The following CDH13 variants were observed in gnomAD, a reference collection of about 807,000 sequenced individuals.
The protein encoded by CDH13 is cadherin-13.
In CDH13, 24 loss-of-function variants were observed where a neutral mutation model predicts 63.8. That is an observed-to-expected ratio of 0.38 (90% CI 0.27 to 0.53). The LOEUF (loss-of-function observed/expected upper bound fraction) is 0.53, where lower values mean the gene tolerates loss of function less well. Ranked by LOEUF, CDH13 falls within the 20% of genes least tolerant of loss-of-function variation. CDH13 has a pLI of 0.85. For synonymous variants in CDH13, 503 were observed against 355.3 expected (o/e 1.42, Z -4.67); for missense variants, 1,049 against 903.1 (o/e 1.16, Z -2.07).
intron 2 of CDH13, among the ~76,000 whole-genome samples, chr16:83,013,526 A>G (rs1597407110): frequency 6.6e-6 from 1 of 152,292 alleles, no homozygotes; most frequent in Admixed American, 6.5e-5. Context: ...ACACACCTCA[A>G]ACCCCAATCC....
At chr16:83,112,694 C>G (rs1380142713) in intron 3 of CDH13, among the ~76,000 whole-genome samples, 2 of 152,108 alleles carry the variant, frequency 1.3e-5, no homozygotes, top group East Asian at 1.9e-4. Context: ...AGTTAAATTA[C>G]TTAGTCAAAA....
At chr16:83,296,338 C>T (rs1005366234) in intron 5 of CDH13, among the ~76,000 whole-genome samples, 1 of 152,170 alleles carries the variant, frequency 6.6e-6, no homozygotes, top group Non-Finnish European at 1.5e-5. Flanking sequence ...CAGTCAGTAG[C>T]AGAGTCGGAT....
chr16:83,051,928 C>A (rs943633226), intron 3 of CDH13, among the ~76,000 whole-genome samples: 17 of 150,906 alleles, frequency 1.1e-4, no homozygotes, highest in Non-Finnish European at 7.4e-5. Context: ...TTTGGCCAAC[C>A]ATTTAATTTT....
Position 83,664,031 on chromosome 16 carries a change from T to C in CDH13, c.1102-6759T>C, listed in dbSNP as rs1258718790. Among the ~76,000 whole-genome samples the C allele has an allele frequency of 3.0e-4, 45 of 151,118 alleles. 1 individual carries two copies. The highest frequency in any genetic ancestry group is 8.8e-5 in the Non-Finnish European group (6 of 67,874). ...AAAAAAAATTTAAATTAGCCAGTCA[T>C]GGTGGTTTAGGCCTGTGGTCCCAGC... On this transcript the variant is annotated intron_variant, in intron 8 of 13. Transcript: ENST00000567109.
chr16:83,372,101 A>G (rs998427134), intron 6 of CDH13, among the ~76,000 whole-genome samples: 1 of 152,192 alleles, frequency 6.6e-6, no homozygotes, highest in Non-Finnish European at 1.5e-5. Context: ...AGAGGTCATC[A>G]TGGGCCACCA....
At chr16:83,711,329 A>G (rs915104448) in intron 10 of CDH13, among the ~76,000 whole-genome samples, 2 of 152,244 alleles carry the variant, frequency 1.3e-5, no homozygotes, top group Non-Finnish European at 2.9e-5. Context: ...CAAATGCCAG[A>G]CGGGCTGTGG....
At chr16:83,092,268 A>C (rs2033951748) in intron 3 of CDH13, among the ~76,000 whole-genome samples, 1 of 152,242 alleles carries the variant, frequency 6.6e-6, no homozygotes, top group South Asian at 2.1e-4. Flanking sequence ...ATTCAAGTCC[A>C]GTAGGGTCTG....
rs568490324 is a variant in CDH13 at position 82,874,351 on chromosome 16, C to T, written c.157+15878C>T. On this transcript the variant is annotated intron_variant, in intron 2 of 13. Transcript: ENST00000567109. ...ATGTTGAGTTGGCGTCTTCACATCC[C>T]GGCCACTTCTGGGAGCAGCAGAGTG... Among the ~76,000 whole-genome samples, 90 of 152,232 alleles carry T rather than the reference C, an allele frequency of 5.9e-4. 2 individuals carry two copies. The highest frequency in any genetic ancestry group is 1.7e-3 in the South Asian group (8 of 4,814).
At chr16:83,321,730 G>T (rs545028432) in intron 5 of CDH13, among the ~76,000 whole-genome samples, 1 of 151,890 alleles carries the variant, frequency 6.6e-6, no homozygotes, top group African/African-American at 2.4e-5. Flanking sequence ...GGGTTTCATC[G>T]TGTTAGCCAG....
intron 6 of CDH13, among the ~76,000 whole-genome samples, chr16:83,416,575 A>G (rs997670810): frequency 6.6e-6 from 1 of 152,208 alleles, no homozygotes; most frequent in Non-Finnish European, 1.5e-5. Context: ...AGGTCGAGCT[A>G]TGACATGCAT....
At chr16:83,526,073 T>A (rs2074952152) in intron 7 of CDH13, among the ~76,000 whole-genome samples, 2 of 152,230 alleles carry the variant, frequency 1.3e-5, no homozygotes, top group Non-Finnish European at 2.9e-5. Context: ...GACACCGTGC[T>A]GTCGTAATTT....
chr16:83,493,095 G>T lies in CDH13; in HGVS notation c.960+6440G>T, dbSNP rs574960892. On this transcript the variant is annotated intron_variant, in intron 7 of 13. Coordinates refer to ENST00000567109, the MANE Select transcript of CDH13 (RefSeq NM_001257.5). ...TCGATTTCTTCATCTGCCACAGTGA[G>T]AATAATCACAATCCCAATCTCATTG... Among the ~76,000 whole-genome samples the T allele has an allele frequency of 1.1e-3, 165 of 152,266 alleles. 2 individuals carry two copies. The highest frequency in any genetic ancestry group is 3.8e-3 in the African/African-American group (157 of 41,544).
intron 8 of CDH13, among the ~76,000 whole-genome samples, chr16:83,634,346 C>G (rs935445137): frequency 6.6e-6 from 1 of 151,968 alleles, no homozygotes; most frequent in Non-Finnish European, 1.5e-5. Context: ...GTAGTTTTGT[C>G]ACTTCAAGGA....
At chr16:83,354,838 C>A (rs1473499093) in intron 6 of CDH13, among the ~76,000 whole-genome samples, 1 of 152,180 alleles carries the variant, frequency 6.6e-6, no homozygotes, top group Non-Finnish European at 1.5e-5. Context: ...TGTCTCTCTG[C>A]CTGTTGTTTT....
chr16:82,919,212 A>G (rs2042082536), intron 2 of CDH13, among the ~76,000 whole-genome samples: 1 of 152,144 alleles, frequency 6.6e-6, no homozygotes, highest in African/African-American at 2.4e-5. Context: ...TTTACTTTTT[A>G]AACTGTTATT....
chr16:83,592,924 G>A (rs748733859), intron 7 of CDH13, among the ~76,000 whole-genome samples: 6 of 152,148 alleles, frequency 3.9e-5, no homozygotes, highest in South Asian at 2.1e-4. Flanking sequence ...GAAGAACATC[G>A]CTCGACCTCT....
At chr16:82,815,614 G>T (rs2037666382) in intron 1 of CDH13, among the ~76,000 whole-genome samples, 1 of 152,278 alleles carries the variant, frequency 6.6e-6, no homozygotes, top group African/African-American at 2.4e-5. Context: ...TTGAAATTCT[G>T]TATCAAAATG....
intron 2 of CDH13, among the ~76,000 whole-genome samples, chr16:82,921,608 C>T (rs1025306790): frequency 6.6e-6 from 1 of 152,046 alleles, no homozygotes; most frequent in African/African-American, 2.4e-5. Flanking sequence ...TCTTTGGGAC[C>T]CATTATCAGT....
chr16:83,558,454 G>C (rs1315815850), intron 7 of CDH13, among the ~76,000 whole-genome samples: 1 of 152,130 alleles, frequency 6.6e-6, no homozygotes, highest in Non-Finnish European at 1.5e-5. Flanking sequence ...TTGTGCCTTG[G>C]GTAGTATCAC....
Sources: allele counts gnomAD v4.1 joint callset (sites outside exome capture counted in the v4.1 genomes callset), GRCh38; gene constraint gnomAD v4.1.1; transcripts MANE v1.5; gene names NCBI Gene and HGNC (gene_info 2026-07-23, HGNC 2026-07-21).